The following PDE9A variants were observed in gnomAD, a reference collection of about 807,000 sequenced individuals.
The protein encoded by PDE9A is phosphodiesterase 9A.
Under a neutral mutation model 87.4 loss-of-function variants are expected in PDE9A, and 60 were observed. The observed-to-expected ratio is 0.69, with a 90% CI of 0.56 to 0.85. PDE9A has a LOEUF of 0.85. PDE9A is among the 40% of genes least tolerant of loss of function. The pLI is 0.00. For synonymous variants in PDE9A, 272 were observed against 279.4 expected (o/e 0.97, Z 0.27); for missense variants, 665 against 779.0 (o/e 0.85, Z 1.74).
At chr21:42,677,298 G>A (rs987403786) in intron 1 of PDE9A, among the ~76,000 whole-genome samples, 1 of 152,234 alleles carries the variant, frequency 6.6e-6, no homozygotes, top group Non-Finnish European at 1.5e-5. Context: ...ATAACAGCAA[G>A]ACAATGAACA....
intron 1 of PDE9A, among the ~76,000 whole-genome samples, chr21:42,667,281 CAG>C (rs905966652): frequency 2.0e-5 from 3 of 152,198 alleles, no homozygotes; most frequent in African/African-American, 4.8e-5. Flanking sequence ...CCATGGAAAA[CAG>C]AGAGACAATA....
intron 4 of PDE9A, among the ~76,000 whole-genome samples, chr21:42,714,187 G>T (rs6586340): frequency 0.19 from 28,709 of 151,484 alleles, 3,055 homozygotes; most frequent in East Asian, 0.38. Context: ...CCTGGCTAAC[G>T]TTTGTATTTT....
At chr21:42,735,246 C>T (rs1467416614) in intron 7 of PDE9A, among the ~76,000 whole-genome samples, 1 of 152,172 alleles carries the variant, frequency 6.6e-6, no homozygotes, top group African/African-American at 2.4e-5. Flanking sequence ...GACCTAGGTC[C>T]CCCGGAGGCT....
chr21:42,755,632 C>T (rs2054952202), intron 10 of PDE9A, among the ~76,000 whole-genome samples: 1 of 152,200 alleles, frequency 6.6e-6, no homozygotes, highest in Non-Finnish European at 1.5e-5. Context: ...AGGGAAAGCT[C>T]AGAAGAGACG....
chr21:42,725,810 C>T (rs879907356), intron 4 of PDE9A, among the ~76,000 whole-genome samples: 5 of 152,202 alleles, frequency 3.3e-5, no homozygotes, highest in African/African-American at 7.2e-5. Context: ...AACATGTGGA[C>T]AGGCCTTTGT....
intron 1 of PDE9A, among the ~76,000 whole-genome samples, chr21:42,674,319 T>TC (rs570844929): frequency 6.7e-6 from 1 of 149,602 alleles, no homozygotes; most frequent in South Asian, 2.1e-4. Flanking sequence ...AGACATTCTT[T>TC]TTTTTTTTTT....
intron 4 of PDE9A, chr21:42,700,913 TGG>T (rs2048335279): frequency 6.6e-6 from 1 of 152,242 alleles, no homozygotes; most frequent in Non-Finnish European, 1.5e-5. Context: ...AAGTTATCTC[TGG>T]TTTCTTTTTT....
chr21:42,773,742 C>T (rs530771611), intron 19 of PDE9A, among the ~76,000 whole-genome samples: 7 of 149,088 alleles, frequency 4.7e-5, no homozygotes, highest in South Asian at 2.2e-4. Flanking sequence ...CGGAGATTGC[C>T]GTGAGCCAAG....
chr21:42,735,609 C>A (rs549690987), intron 7 of PDE9A, among the ~76,000 whole-genome samples: 15 of 152,320 alleles, frequency 9.8e-5, no homozygotes, highest in African/African-American at 3.6e-4. Context: ...TTGCTATAAT[C>A]TCTGCCTGTG....
chr21:42,751,019 G>T, intron 8 of PDE9A, 97 bp from the exon 9 acceptor site: 1 of 823,632 alleles, frequency 1.2e-6, no homozygotes, highest in Non-Finnish European at 2.1e-6. Context: ...ACCACACGGG[G>T]CTTGGGGGTT....
intron 4 of PDE9A, among the ~76,000 whole-genome samples, chr21:42,717,684 G>A (rs2050084890): frequency 1.3e-5 from 2 of 151,376 alleles, no homozygotes; most frequent in African/African-American, 4.8e-5. Flanking sequence ...GAACCACCGT[G>A]CCCAGGCAAG....
intron 1 of PDE9A, among the ~76,000 whole-genome samples, chr21:42,674,455 C>T (rs765684123): frequency 2.8e-4 from 43 of 151,920 alleles, no homozygotes; most frequent in South Asian, 6.2e-4. Context: ...TGTCAGAACT[C>T]CGTGTGACTC....
chr21:42,745,702 G>A (rs2053771646), intron 8 of PDE9A, among the ~76,000 whole-genome samples: 1 of 152,242 alleles, frequency 6.6e-6, no homozygotes, highest in South Asian at 2.1e-4. Context: ...TTTGGCAGGA[G>A]GGTGGTGTTC....
intron 4 of PDE9A, among the ~76,000 whole-genome samples, chr21:42,714,551 C>T (rs66916451): frequency 0.021 from 2,267 of 107,248 alleles, 11 homozygotes; most frequent in African/African-American, 0.033. Context: ...CAGTCTTTGT[C>T]GATATGGTTG....
intron 4 of PDE9A, among the ~76,000 whole-genome samples, chr21:42,727,143 C>T (rs2051217464): frequency 6.8e-6 from 1 of 147,364 alleles, no homozygotes; most frequent in African/African-American, 2.5e-5. Flanking sequence ...AACTTGTTTA[C>T]CTATGTGGGG....
At chr21:42,715,086 T>C (rs919818512) in intron 4 of PDE9A, among the ~76,000 whole-genome samples, 5 of 149,892 alleles carry the variant, frequency 3.3e-5, no homozygotes, top group East Asian at 3.9e-4. Context: ...GTTAATTGAA[T>C]AAATTTTTGT....
chr21:42,703,686 G>A (rs964466400), intron 4 of PDE9A, among the ~76,000 whole-genome samples: 9 of 152,146 alleles, frequency 5.9e-5, no homozygotes, highest in African/African-American at 2.2e-4. Context: ...TAAGGCCGGA[G>A]CTGCTCCTCC....
intron 17 of PDE9A, among the ~76,000 whole-genome samples, chr21:42,769,560 ACACACACACACACACATG>A (rs1555957613): frequency 8.8e-4 from 37 of 42,106 alleles, no homozygotes; most frequent in African/African-American, 2.3e-3. Flanking sequence ...ACACACAGGC[ACACACACACACACACATG>A]CACACAGGTA....
At chr21:42,748,470 A>G (rs1010607606) in intron 8 of PDE9A, among the ~76,000 whole-genome samples, 1 of 152,248 alleles carries the variant, frequency 6.6e-6, no homozygotes, top group Non-Finnish European at 1.5e-5. Context: ...CACGGGGAAG[A>G]GACGGCAGCA....
Sources: allele counts gnomAD v4.1 joint callset (sites outside exome capture counted in the v4.1 genomes callset), GRCh38; gene constraint gnomAD v4.1.1; transcripts MANE v1.5; gene names NCBI Gene and HGNC (gene_info 2026-07-23, HGNC 2026-07-21).